The following TARBP1 variants were observed in gnomAD, a reference collection of about 807,000 sequenced individuals.
TARBP1 encodes the protein tRNA guanosine 2 -O-methyltransferase TARBP1.
TARBP1 carries 144 observed loss-of-function variants against 178.6 expected under a neutral mutation model. That is an observed-to-expected ratio of 0.81 (90% CI 0.70 to 0.93). The LOEUF (loss-of-function observed/expected upper bound fraction) is 0.93, where lower values mean the gene tolerates loss of function less well. Ranked by LOEUF, TARBP1 falls within the 40% of genes least tolerant of loss-of-function variation. The pLI is 0.00. For missense variants in TARBP1, 2,067 were observed against 2,011.7 expected (o/e 1.03, Z -0.53); for synonymous variants, 787 against 781.0 (o/e 1.01, Z -0.13).
intron 22 of TARBP1, among the ~76,000 whole-genome samples, chr1:234,413,811 A>G (rs903535683): frequency 6.6e-6 from 1 of 152,238 alleles, no homozygotes; most frequent in Admixed American, 6.5e-5. Context: ...CAAGGATGAC[A>G]GTAGCGTCGA....
chr1:234,419,029 G>A (rs913327903), intron 21 of TARBP1, among the ~76,000 whole-genome samples: 32 of 151,958 alleles, frequency 2.1e-4, no homozygotes, highest in Admixed American at 1.7e-3. Context: ...AAAATTAGCC[G>A]GGTGAGGTGG....
intron 28 of TARBP1, 95 bp from the exon 29 acceptor site, chr1:234,392,647 T>C: frequency 9.1e-7 from 1 of 1,099,798 alleles, no homozygotes; most frequent in Non-Finnish European, 1.3e-6. Flanking sequence ...TAAACTTAAC[T>C]CTTTAAAAGA....
At chr1:234,420,579 C>A in intron 21 of TARBP1, 123 bp downstream of exon 21, 3 of 527,596 alleles carry the variant, frequency 5.7e-6, no homozygotes, top group South Asian at 5.9e-5. Flanking sequence ...ATTTTAAGAA[C>A]TGCAGAATAA....
chr1:234,418,340 T>C, intron 21 of TARBP1, 107 bp from the exon 22 acceptor site: 2 of 985,818 alleles, frequency 2.0e-6, no homozygotes, highest in Non-Finnish European at 1.4e-6. Flanking sequence ...AAGTAATTTA[T>C]TGGATCTACA....
intron 6 of TARBP1, among the ~76,000 whole-genome samples, chr1:234,463,285 G>A (rs575403869): frequency 7.9e-4 from 120 of 152,110 alleles, no homozygotes; most frequent in Non-Finnish European, 1.3e-3. Flanking sequence ...CATCATGCCC[G>A]GATAATTTTT....
intron 1 of TARBP1, among the ~76,000 whole-genome samples, chr1:234,474,413 G>A (rs908019757): frequency 1.3e-5 from 2 of 152,016 alleles, no homozygotes; most frequent in Non-Finnish European, 2.9e-5. Flanking sequence ...AGAAAGGGAC[G>A]AAATAATCCA....
At chr1:234,425,931 A>G in intron 19 of TARBP1, 138 bp from the exon 20 acceptor site, 1 of 626,698 alleles carries the variant, frequency 1.6e-6, no homozygotes, top group Non-Finnish European at 2.7e-6. Context: ...ACTTAATGAC[A>G]ATACTTTTTA....
At position 234,478,322 on chromosome 1, in the gene TARBP1, C is replaced by G. The variant is rs750114756; in HGVS notation, c.782G>C (p.Arg261Pro). ...GAREAGPDAR[R>P]CWRFWRTVQA... ...CACCGTCCTCCAGAAGCGCCAGCAG[C>G]GCCGGGCGTCCGGGCCCGCCTCGCG... The change falls in exon 1 of 30, where the codon CGC becomes CCC. Residue 261 changes from arginine to proline, a missense_variant. Physicochemically the swap from Arg to Pro is moderately radical, Grantham distance 103. Coordinates refer to ENST00000040877, the MANE Select transcript of TARBP1 (RefSeq NM_005646.4). 2.7e-4 allele frequency: 379 copies of G among 1,385,672 alleles called. 2 individuals are homozygous for G. Among genetic ancestry groups the G allele is most frequent in the Non-Finnish European group, 3.2e-4 (344 of 1,069,652 alleles). 85.8% of individuals were successfully genotyped at this position (1,385,672 alleles called of 1,614,324 possible). A position where few individuals can be genotyped will look rare whatever the true frequency, so the allele number is the denominator to read the frequency against.
At chr1:234,407,239 C>T (rs568569950) in intron 23 of TARBP1, 1 of 152,238 alleles carries the variant, frequency 6.6e-6, no homozygotes, top group African/African-American at 2.4e-5. Context: ...ACTTGTGCAG[C>T]CCACACTGAA....
Position 234,448,593 on chromosome 1 carries a change from A to T in TARBP1, c.1862-14T>A. On this transcript the variant is annotated splice_polypyrimidine_tract_variant and intron_variant, in intron 10 of 29. Transcript: ENST00000040877. The stretch of plus-strand genomic sequence containing the variant: ...AGTTTTCTCCTGCTTAAATAACAAC[A>T]GTTAAGGTTTGCAAAGCATTAACAA... 1 of 1,609,426 alleles carries T rather than the reference A, an allele frequency of 6.2e-7. No individual in the cohort carries two copies. The highest frequency in any genetic ancestry group is 2.2e-5 in the East Asian group (1 of 44,834).
intron 2 of TARBP1, among the ~76,000 whole-genome samples, chr1:234,471,946 AC>A (rs1669102857): frequency 6.6e-6 from 1 of 152,156 alleles, no homozygotes; most frequent in Non-Finnish European, 1.5e-5. Context: ...GATGGCTGGC[AC>A]CTCTGTGGTC....
chr1:234,446,951 T>C lies in TARBP1; in HGVS notation c.1986A>G (p.Val662=). 3 of 1,613,624 alleles carry C rather than the reference T, an allele frequency of 1.9e-6. No individual in the cohort carries two copies. The highest frequency in any genetic ancestry group is 2.5e-6 in the Non-Finnish European group (3 of 1,179,716). ...QYSGKQRTEN[V]LRIFLDPLLD... ...GAAGAGGGTCTAAGAATATCCGCAA[T>C]ACATTCTCTGTTCTCTGCTTTCCGC... Residue 662 remains valine, a synonymous_variant, in exon 12 of 30, where the codon GTA becomes GTG. Transcript: ENST00000040877.
In TARBP1 at chr1:234,478,606, G is replaced by A; in HGVS notation, c.498C>T (p.Thr166=). Residue 166 remains threonine, a synonymous_variant, in exon 1 of 30, where the codon ACC becomes ACT. Transcript: ENST00000040877. ...CCCCGCCCAGCGCCAGGGCGACGGC[G>A]GTCCCCGCCACGCGCTCCAGTAGCG... The part of the protein sequence containing the change: ...DGPLLERVAG[T]AVALALGGGG... The A allele has an allele frequency of 7.7e-7, 1 of 1,299,768 alleles. No individual in the cohort carries two copies. The highest frequency in any genetic ancestry group is 9.8e-7 in the Non-Finnish European group (1 of 1,025,618). 80.5% of individuals were successfully genotyped at this position (1,299,768 alleles called of 1,614,324 possible). A position where few individuals can be genotyped will look rare whatever the true frequency, so the allele number is the denominator to read the frequency against.
intron 1 of TARBP1, among the ~76,000 whole-genome samples, chr1:234,476,761 A>G (rs554324225): frequency 3.9e-5 from 6 of 152,362 alleles, no homozygotes; most frequent in African/African-American, 1.4e-4. Context: ...TGATATAACT[A>G]AGATATACTA....
At chr1:234,429,747 A>G in intron 15 of TARBP1, 70 bp from the exon 16 acceptor site, 7 of 1,067,880 alleles carry the variant, frequency 6.6e-6, no homozygotes, top group Non-Finnish European at 8.9e-6. Flanking sequence ...CACGTAGCAC[A>G]CTATCCTTTC....
intron 19 of TARBP1, among the ~76,000 whole-genome samples, chr1:234,426,157 C>T (rs1316747695): frequency 6.6e-6 from 1 of 152,186 alleles, no homozygotes; most frequent in Non-Finnish European, 1.5e-5. Context: ...CACTCAGGGG[C>T]ATGATACACA....
intron 24 of TARBP1, chr1:234,405,372 G>A (rs1013827206): frequency 6.6e-6 from 1 of 152,396 alleles, no homozygotes; most frequent in Non-Finnish European, 1.5e-5. Context: ...GGGAAAGAGA[G>A]GCAGACATGG....
chr1:234,404,602 G>T (rs1661026251), intron 24 of TARBP1, among the ~76,000 whole-genome samples: 1 of 152,138 alleles, frequency 6.6e-6, no homozygotes, highest in African/African-American at 2.4e-5. Context: ...AATTGTAGGG[G>T]TCCCTGGCAA....
chr1:234,478,935 G>A lies in TARBP1; in HGVS notation c.169C>T (p.Leu57Phe). 1 of 1,440,978 alleles carries A rather than the reference G, an allele frequency of 6.9e-7. No individual in the cohort carries two copies. The highest frequency in any genetic ancestry group is 1.4e-5 in the South Asian group (1 of 72,686). The allele number at this position is 1,440,978 out of a possible 1,614,324, so 89.3% of individuals were successfully genotyped here. The change falls in exon 1 of 30, where the codon CTC becomes TTC. Residue 57 changes from leucine to phenylalanine, a missense_variant. Physicochemically the swap from Leu to Phe is conservative, Grantham distance 22. Coordinates refer to ENST00000040877, the MANE Select transcript of TARBP1 (RefSeq NM_005646.4). Reference protein sequence around the residue: ...EARGSGGAGALPEAAREVAAG... With the variant: ...EARGSGGAGAFPEAAREVAAG... ...GCCACCTCGCGCGCCGCCTCCGGGA[G>A]CGCGCCTGCGCCCCCGCTGCCGCGC...
Sources: allele counts gnomAD v4.1 joint callset (sites outside exome capture counted in the v4.1 genomes callset), GRCh38; gene constraint gnomAD v4.1.1; transcripts MANE v1.5; gene names NCBI Gene and HGNC (gene_info 2026-07-23, HGNC 2026-07-21).